POPDC1: variants seen among roughly 807,000 people sequenced by gnomAD.
The protein encoded by POPDC1 is popeye domain cAMP effector 1, also known as popeye domain-containing protein 1.
At chr6:105,116,600 CAT>C in the POPDC1 span, 1 of 907,290 alleles carries the variant, frequency 1.1e-6, no homozygotes, top group South Asian at 2.0e-5. Flanking sequence ...GTACATTTAA[CAT>C]ATGGCTAGTT....
chr6:105,128,739 C>A, the POPDC1 span, among the ~76,000 whole-genome samples: 1 of 152,114 alleles, frequency 6.6e-6, no homozygotes, highest in African/African-American at 2.4e-5. Context: ...AAGATTAAGG[C>A]AAGCATTATA....
the POPDC1 span, among the ~76,000 whole-genome samples, chr6:105,134,661 G>A: frequency 6.6e-6 from 1 of 151,936 alleles, no homozygotes; most frequent in African/African-American, 2.4e-5. Context: ...GTACAAAATG[G>A]GTATTTTGAA....
the POPDC1 span, among the ~76,000 whole-genome samples, chr6:105,120,146 C>T: frequency 1.3e-4 from 2 of 15,640 alleles, 1 homozygote; most frequent in East Asian, 4.1e-3. Context: ...GTAGTCCCAG[C>T]TACTTGGGAG....
chr6:105,110,007 T>C, the POPDC1 span, among the ~76,000 whole-genome samples: 2 of 152,008 alleles, frequency 1.3e-5, no homozygotes, highest in African/African-American at 4.8e-5. Context: ...CTGTATAAAA[T>C]ACCTTCAGGT....
the POPDC1 span, among the ~76,000 whole-genome samples, chr6:105,106,742 G>A: frequency 6.6e-6 from 1 of 152,146 alleles, no homozygotes; most frequent in South Asian, 2.1e-4. Context: ...CTGCCCTGCA[G>A]ATCCTTCTCT....
the POPDC1 span, chr6:105,125,422 C>T: frequency 6.2e-7 from 1 of 1,614,188 alleles, no homozygotes; most frequent in South Asian, 1.1e-5. Flanking sequence ...AGACGGTCAT[C>T]AACTGAGGTT....
the POPDC1 span, among the ~76,000 whole-genome samples, chr6:105,131,646 C>T: frequency 6.6e-6 from 1 of 152,126 alleles, no homozygotes; most frequent in Non-Finnish European, 1.5e-5. Context: ...GAACTCCTGG[C>T]TTCAAGAGAT....
the POPDC1 span, among the ~76,000 whole-genome samples, chr6:105,115,398 G>A: frequency 4.6e-5 from 7 of 152,320 alleles, no homozygotes; most frequent in Admixed American, 3.9e-4. Flanking sequence ...GATTACAGGC[G>A]TAAGCCACCA....
the POPDC1 span, chr6:105,116,637 T>G: frequency 1.3e-5 from 18 of 1,349,432 alleles, no homozygotes; most frequent in African/African-American, 6.0e-5. Context: ...AAAACATATT[T>G]CATAAAGTGA....
chr6:105,136,728 G>C, the POPDC1 span: 9 of 152,300 alleles, frequency 5.9e-5, no homozygotes, highest in African/African-American at 2.2e-4. Flanking sequence ...CAGACCCGGG[G>C]AGAAGGGCGG....
chr6:105,107,830 C>T, the POPDC1 span, among the ~76,000 whole-genome samples: 185 of 151,788 alleles, frequency 1.2e-3, no homozygotes, highest in Middle Eastern at 3.4e-3. Flanking sequence ...GGAAAGAATT[C>T]TTTTCCTGTC....
chr6:105,133,522 G>T, the POPDC1 span: 1 of 1,613,722 alleles, frequency 6.2e-7, no homozygotes. Flanking sequence ...TTCTAACTCA[G>T]GTGTAAAACC....
chr6:105,100,341 C>A, the POPDC1 span: 1 of 151,642 alleles, frequency 6.6e-6, no homozygotes, highest in Non-Finnish European at 1.5e-5. Flanking sequence ...AACCCCATCT[C>A]TACTAAAAAT....
chr6:105,129,615 T>C, the POPDC1 span: 2 of 1,102,292 alleles, frequency 1.8e-6, no homozygotes, highest in Admixed American at 2.6e-5. Context: ...CTGAAGGTGA[T>C]ACTTTGCAAG....
At chr6:105,124,981 G>C in the POPDC1 span, among the ~76,000 whole-genome samples, 1 of 152,122 alleles carries the variant, frequency 6.6e-6, no homozygotes, top group Non-Finnish European at 1.5e-5. Context: ...AACAATGCCA[G>C]CACAACAGAG....
chr6:105,134,207 G>A, the POPDC1 span, among the ~76,000 whole-genome samples: 1 of 151,856 alleles, frequency 6.6e-6, no homozygotes, highest in Non-Finnish European at 1.5e-5. Context: ...TATACACAGA[G>A]AGATACAACA....
chr6:105,107,142 C>T, the POPDC1 span, among the ~76,000 whole-genome samples: 1 of 152,220 alleles, frequency 6.6e-6, no homozygotes, highest in Non-Finnish European at 1.5e-5. Context: ...AACCATCCTT[C>T]CACTCTCTCT....
the POPDC1 span, among the ~76,000 whole-genome samples, chr6:105,131,215 C>T: frequency 6.6e-6 from 1 of 152,208 alleles, no homozygotes; most frequent in East Asian, 1.9e-4. Context: ...TGATTTGATG[C>T]ACCTGAATAA....
chr6:105,108,198 G>C, the POPDC1 span, among the ~76,000 whole-genome samples: 1 of 152,174 alleles, frequency 6.6e-6, no homozygotes, highest in Non-Finnish European at 1.5e-5. Flanking sequence ...TCACAAAGAA[G>C]AAGATACAGG....
Sources: gnomAD v4.1 joint callset for allele counts (sites outside exome capture counted in the v4.1 genomes callset) on GRCh38, gnomAD v4.1.1 for gene constraint, MANE v1.5 for transcripts, NCBI Gene and HGNC (gene_info 2026-07-23, HGNC 2026-07-21) for gene names.